The following TMEM117 variants were observed in gnomAD, a reference collection of about 807,000 sequenced individuals.
TMEM117 encodes the protein transmembrane protein 117.
Under a neutral mutation model 52.4 loss-of-function variants are expected in TMEM117, and 27 were observed. The ratio of observed to expected loss-of-function variants is 0.51; its 90% CI spans 0.38 to 0.71. The LOEUF (loss-of-function observed/expected upper bound fraction) is 0.71, where lower values mean the gene tolerates loss of function less well. Ranked by LOEUF, TMEM117 falls within the 30% of genes least tolerant of loss-of-function variation. The pLI is 0.00. For synonymous variants in TMEM117, 215 were observed against 206.3 expected (o/e 1.04, Z -0.36); for missense variants, 556 against 630.5 (o/e 0.88, Z 1.26).
intron 3 of TMEM117, among the ~76,000 whole-genome samples, chr12:44,037,349 C>G (rs1422842371): frequency 1.3e-5 from 2 of 152,140 alleles, no homozygotes; most frequent in Non-Finnish European, 2.9e-5. Context: ...CCTGGCCTCT[C>G]CCCACTCCTG....
intron 3 of TMEM117, among the ~76,000 whole-genome samples, chr12:44,094,242 A>C (rs753354769): frequency 6.6e-6 from 1 of 152,174 alleles, no homozygotes; most frequent in Non-Finnish European, 1.5e-5. Flanking sequence ...TATAGATCAT[A>C]GTAAGTCATG....
intron 3 of TMEM117, among the ~76,000 whole-genome samples, chr12:43,950,488 G>A (rs554116666): frequency 2.6e-5 from 4 of 152,036 alleles, no homozygotes; most frequent in Non-Finnish European, 5.9e-5. Context: ...TCATACTCAT[G>A]TCTTTCTGGG....
At chr12:44,017,903 A>C (rs552155234) in intron 3 of TMEM117, among the ~76,000 whole-genome samples, 8 of 135,756 alleles carry the variant, frequency 5.9e-5, no homozygotes, top group African/African-American at 9.1e-5. Context: ...GAAATGACAG[A>C]GTTTTGATTT....
intron 6 of TMEM117, among the ~76,000 whole-genome samples, chr12:44,312,894 C>T (rs574558439): frequency 6.6e-6 from 1 of 152,200 alleles, no homozygotes; most frequent in East Asian, 1.9e-4. Flanking sequence ...TTGTTAGCTC[C>T]TTGTATGTCT....
intron 5 of TMEM117, among the ~76,000 whole-genome samples, chr12:44,258,091 C>T (rs1044046581): frequency 5.3e-5 from 8 of 151,928 alleles, no homozygotes; most frequent in African/African-American, 1.9e-4. Context: ...TATCTTTTCC[C>T]AAGGAATTTC....
At chr12:43,919,203 T>C (rs1944653367) in intron 2 of TMEM117, among the ~76,000 whole-genome samples, 1 of 152,228 alleles carries the variant, frequency 6.6e-6, no homozygotes, top group Non-Finnish European at 1.5e-5. Flanking sequence ...AATACGTTAT[T>C]GTTGACTCTA....
chr12:43,887,889 AT>A lies in TMEM117; in HGVS notation c.277+42964del, dbSNP rs1354414799. Among the ~76,000 whole-genome samples, 12 of 152,254 alleles carry A rather than the reference AT, an allele frequency of 7.9e-5. No individual in the cohort carries two copies. The East Asian group carries it at 2.1e-3, about 27-fold the overall frequency. On this transcript the variant is annotated intron_variant, in intron 2 of 7. Coordinates refer to ENST00000266534, the MANE Select transcript of TMEM117 (RefSeq NM_032256.3). ...AAATTATGTGGCTGCAGGTGAGACC[AT>A]TTGTTTGTTTCATAGTGAGGATCAA...
chr12:44,193,057 C>A lies in TMEM117; in HGVS notation c.511-18233C>A, dbSNP rs184742855. ...TCTGTAGGGTTTATTTGGCTGTGCA[C>A]CTTTGAAAATCATTAAATATCTGTA... On this transcript the variant is annotated intron_variant, in intron 4 of 7. Transcript: ENST00000266534. Among the ~76,000 whole-genome samples the A allele has an allele frequency of 3.3e-5, 5 of 152,216 alleles. No homozygotes were observed. In the East Asian group the frequency reaches 9.6e-4, roughly 29 times the overall value.
At chr12:43,885,310 T>G (rs1417231486) in intron 2 of TMEM117, among the ~76,000 whole-genome samples, 1 of 152,120 alleles carries the variant, frequency 6.6e-6, no homozygotes, top group African/African-American at 2.4e-5. Flanking sequence ...AGGCTTGTTG[T>G]CAACATGTGA....
At chr12:43,803,334 C>T in the TMEM117 span, among the ~76,000 whole-genome samples, 1 of 152,012 alleles carries the variant, frequency 6.6e-6, no homozygotes, top group Non-Finnish European at 1.5e-5. Context: ...ATTGTAGTTG[C>T]CCCAGGGTAA....
At chr12:43,869,188 G>A (rs1943661913) in intron 2 of TMEM117, among the ~76,000 whole-genome samples, 1 of 152,136 alleles carries the variant, frequency 6.6e-6, no homozygotes, top group South Asian at 2.1e-4. Flanking sequence ...AAGAAATTGA[G>A]TTCATTATCA....
rs149027448 is a variant in TMEM117 at position 44,286,205 on chromosome 12, T to C, written c.609-13375T>C. On this transcript the variant is annotated intron_variant, in intron 5 of 7. Coordinates refer to ENST00000266534, the MANE Select transcript of TMEM117 (RefSeq NM_032256.3). Reference sequence around the variant, plus strand: ...TATTTTTATTTCCTTTAAGATTTTATAATAACTGTGCAGCATGAACATAAG... The same window carrying C: ...TATTTTTATTTCCTTTAAGATTTTACAATAACTGTGCAGCATGAACATAAG... Among the ~76,000 whole-genome samples the C allele has an allele frequency of 5.4e-3, 822 of 151,878 alleles. 13 individuals carry two copies. The highest frequency in any genetic ancestry group is 0.018 in the African/African-American group (752 of 41,486).
chr12:43,946,960 C>G (rs796417773), intron 3 of TMEM117, among the ~76,000 whole-genome samples: 2 of 152,148 alleles, frequency 1.3e-5, no homozygotes, highest in Non-Finnish European at 2.9e-5. Context: ...GGAAAAGCAT[C>G]GTTTACTGAG....
At chr12:43,854,450 G>GA (rs370821552) in intron 2 of TMEM117, among the ~76,000 whole-genome samples, 4,228 of 133,650 alleles carry the variant, frequency 0.032, 183 homozygotes, top group African/African-American at 0.11. Context: ...TTATCCTACT[G>GA]AAAAAAAAAA....
rs145754824 is a variant in TMEM117, at chr12:44,244,036, T to G, written c.608+32649T>G. Reference sequence around the variant, plus strand: ...TATCCTTTCATCCATCGATGGGCACTTAGGTTGATTTCATATCTTAGCTAT... The same window carrying G: ...TATCCTTTCATCCATCGATGGGCACGTAGGTTGATTTCATATCTTAGCTAT... On this transcript the variant is annotated intron_variant, in intron 5 of 7. Transcript: ENST00000266534. 5.5e-3 allele frequency among the ~76,000 whole-genome samples: 840 copies of G among 152,154 alleles called. 7 individuals are homozygous for G. The highest frequency in any genetic ancestry group is 0.024 in the Middle Eastern group (7 of 294).
chr12:44,298,358 C>T (rs963979844), intron 5 of TMEM117, among the ~76,000 whole-genome samples: 2 of 149,974 alleles, frequency 1.3e-5, no homozygotes, highest in Admixed American at 6.6e-5. Context: ...CTTCTGTTTT[C>T]CTTTATTTCC....
At chr12:44,096,963 C>A (rs1028472801) in intron 3 of TMEM117, among the ~76,000 whole-genome samples, 3 of 151,956 alleles carry the variant, frequency 2.0e-5, no homozygotes, top group Non-Finnish European at 4.4e-5. Context: ...ACAACCTACT[C>A]ATCTGACAAA....
intron 3 of TMEM117, among the ~76,000 whole-genome samples, chr12:44,023,985 C>G (rs1285195839): frequency 1.3e-5 from 2 of 151,968 alleles, no homozygotes; most frequent in African/African-American, 4.8e-5. Context: ...GTAGGAAAAC[C>G]CATGGATTTA....
At chr12:44,284,737 C>T (rs548038231) in intron 5 of TMEM117, among the ~76,000 whole-genome samples, 1 of 152,230 alleles carries the variant, frequency 6.6e-6, no homozygotes, top group Non-Finnish European at 1.5e-5. Context: ...TAAGCAGCAG[C>T]AATGTAGCAG....
Sources: gnomAD v4.1 joint callset for allele counts (sites outside exome capture counted in the v4.1 genomes callset) on GRCh38, gnomAD v4.1.1 for gene constraint, MANE v1.5 for transcripts, NCBI Gene and HGNC (gene_info 2026-07-23, HGNC 2026-07-21) for gene names.